Variants in DHX57 observed in about 807,000 individuals in gnomAD.
DHX57 encodes the protein DExH-box helicase 57.
DHX57 carries 105 observed loss-of-function variants against 156.2 expected under a neutral mutation model. That is an observed-to-expected ratio of 0.67 (90% CI 0.57 to 0.79). The LOEUF is 0.79. Among genes scored for constraint, DHX57 ranks in the 30% least tolerant of loss-of-function variants. The probability of loss-of-function intolerance (pLI) is 0.00; values close to 1 mark genes in which losing one functional copy is unlikely to be tolerated. For synonymous variants in DHX57, 704 were observed against 595.6 expected (o/e 1.18, Z -2.65); for missense variants, 1,847 against 1,661.9 (o/e 1.11, Z -1.94).
intron 13 of DHX57, among the ~76,000 whole-genome samples, chr2:38,832,548 TATA>T (rs142219133): frequency 0.64 from 74,080 of 116,480 alleles, 20,241 homozygotes; most frequent in East Asian, 0.8. Flanking sequence ...TATATATATA[TATA>T]TTTTTTTTTT....
In DHX57 at chr2:38,843,103, T is replaced by G; in HGVS notation, c.2327A>C (p.Asp776Ala). 2 of 1,614,190 alleles carry G rather than the reference T, an allele frequency of 1.2e-6. No individual in the cohort carries two copies. The highest frequency in any genetic ancestry group is 1.7e-6 in the Non-Finnish European group (2 of 1,180,022). ...NRTAFEEVEE[D>A]LRLSLHLQDQ... ...CTGGAGGTGAAGGGAGAGCCTTAGG[T>G]CTTCTTCCACTTCTTCAAATGCAGT... Residue 776 changes from aspartate (D) to alanine (A), a missense_variant, in exon 12 of 24, where the codon GAC becomes GCC. Asp to Ala is a moderately radical substitution (Grantham distance 126). Transcript: ENST00000457308.
chr2:38,870,139 A>T (rs1212562133), intron 1 of DHX57, among the ~76,000 whole-genome samples: 1 of 152,176 alleles, frequency 6.6e-6, no homozygotes, highest in African/African-American at 2.4e-5. Flanking sequence ...ACTTGAAGAC[A>T]GACTGACATT....
intron 9 of DHX57, 35 bp from the exon 10 acceptor site, chr2:38,848,437 C>A: frequency 6.5e-7 from 1 of 1,544,090 alleles, no homozygotes; most frequent in Non-Finnish European, 8.7e-7. Flanking sequence ...GAGGATCAAA[C>A]AAATTCAACA....
chr2:38,811,068 G>T (rs934831040), intron 21 of DHX57: 1 of 619,100 alleles, frequency 1.6e-6, no homozygotes, highest in Non-Finnish European at 3.0e-6. Flanking sequence ...AGACCTGAAG[G>T]TGGTTGGTTC....
chr2:38,848,995 T>C (rs1672435539), intron 9 of DHX57, among the ~76,000 whole-genome samples: 1 of 152,230 alleles, frequency 6.6e-6, no homozygotes, highest in Non-Finnish European at 1.5e-5. Context: ...ACAGGATTGA[T>C]AATCAAATTT....
intron 17 of DHX57, 142 bp downstream of exon 17, chr2:38,822,851 A>G: frequency 1.2e-6 from 1 of 814,910 alleles, no homozygotes; most frequent in South Asian, 2.0e-5. Flanking sequence ...TCTCCCTCCC[A>G]TGCAGATGTG....
rs181749055 is a variant in DHX57, at chr2:38,802,672, C to T, written c.4017+43G>A. 281 of 1,609,804 alleles carry T rather than the reference C, an allele frequency of 1.7e-4. 1 individual carries two copies. In the African/African-American group the frequency reaches 3.6e-3, roughly 20 times the overall value. On this transcript the variant is annotated intron_variant, in intron 23 of 23. Coordinates refer to ENST00000457308, the MANE Select transcript of DHX57 (RefSeq NM_198963.3). ...TCATAACTTCATATTGTCAAAGCCC[C>T]TCATGGCCTGAGCCTCATAAAACAG...
intron 9 of DHX57, among the ~76,000 whole-genome samples, chr2:38,852,870 T>C (rs568776096): frequency 6.6e-6 from 1 of 152,300 alleles, no homozygotes; most frequent in African/African-American, 2.4e-5. Flanking sequence ...CTTAAGGCCC[T>C]GGAAGGTCTG....
chr2:38,861,908 T>G, intron 4 of DHX57, 71 bp from the exon 5 acceptor site: 1 of 1,438,734 alleles, frequency 7.0e-7, no homozygotes, highest in Non-Finnish European at 9.3e-7. Context: ...AAAATTCATT[T>G]AAATATGCTT....
chr2:38,861,117 C>T lies in DHX57; in HGVS notation c.1293G>A (p.Lys431=). 6 of 1,614,188 alleles carry T rather than the reference C, an allele frequency of 3.7e-6. No individual in the cohort carries two copies. The African/African-American group carries it at 4.0e-5, about 11-fold the overall frequency. Residue 431 remains lysine, a synonymous_variant, in exon 5 of 24, where the codon AAG becomes AAA. Coordinates refer to ENST00000457308, the MANE Select transcript of DHX57 (RefSeq NM_198963.3). The part of the protein sequence containing the change: ...IVKLLTNTHH[K]YSDPPVNFLP... ...GAAAGTTCACAGGAGGGTCACTATA[C>T]TTGTGGTGGGTATTCGTTAGTAACT... is the stretch of plus-strand genomic sequence containing the variant.
At position 38,809,314 on chromosome 2, in the gene DHX57, A is replaced by G. The variant is rs1315007130; in HGVS notation, c.3682-2621T>C. 2.7e-5 allele frequency among the ~76,000 whole-genome samples: 4 copies of G among 150,842 alleles called. No individual in the cohort carries two copies. In the East Asian group the frequency reaches 7.9e-4, roughly 30 times the overall value. ...AAAAACAAATTTTTTTTGTAGAGAC[A>G]AGTTCTCACTCTGTTGCCCAAGCTG... On this transcript the variant is annotated intron_variant, in intron 21 of 23. Transcript: ENST00000457308.
chr2:38,808,342 A>G (rs1670065960), intron 21 of DHX57, among the ~76,000 whole-genome samples: 1 of 152,160 alleles, frequency 6.6e-6, no homozygotes, highest in Admixed American at 6.6e-5. Flanking sequence ...ATAGCTTGAA[A>G]ATGATGTATT....
chr2:38,860,516 A>G (rs1183727335), intron 5 of DHX57, among the ~76,000 whole-genome samples: 1 of 152,132 alleles, frequency 6.6e-6, no homozygotes, highest in Non-Finnish European at 1.5e-5. Context: ...AAGCCTGCAC[A>G]AGTATTTGAG....
intron 19 of DHX57, among the ~76,000 whole-genome samples, chr2:38,817,583 TG>T (rs1212841551): frequency 6.6e-6 from 1 of 152,214 alleles, no homozygotes; most frequent in Non-Finnish European, 1.5e-5. Flanking sequence ...TCCAAAGTGC[TG>T]GGATTACAGG....
At position 38,861,300 on chromosome 2, in the gene DHX57, C is replaced by T. The variant is rs570561927; in HGVS notation, c.1110G>A (p.Pro370=). The T allele has an allele frequency of 2.9e-5, 47 of 1,614,052 alleles. No individual in the cohort carries two copies. The highest frequency in any genetic ancestry group is 8.8e-5 in the South Asian group (8 of 91,070). The part of the protein sequence containing the change: ...SKDHKYPYQA[P]LVAFYSTNEN... ...CATTGGTGGAATAAAATGCCACGAGCGGAGCTTGGTAGGGATATTTGTGGT... is the reference window on the plus strand; with the variant it reads ...CATTGGTGGAATAAAATGCCACGAGTGGAGCTTGGTAGGGATATTTGTGGT... Residue 370 remains proline (P), a synonymous_variant, in exon 5 of 24, where the codon CCG becomes CCA. Coordinates refer to ENST00000457308, the MANE Select transcript of DHX57 (RefSeq NM_198963.3).
At chr2:38,865,742 C>T (rs1665035428) in intron 2 of DHX57, among the ~76,000 whole-genome samples, 1 of 152,162 alleles carries the variant, frequency 6.6e-6, no homozygotes, top group South Asian at 2.1e-4. Flanking sequence ...CGATTTTATC[C>T]AGACTCAGAA....
chr2:38,823,016 T>G lies in DHX57; in HGVS notation c.3268A>C (p.Ser1090Arg), dbSNP rs1558367889. Reference sequence around the variant, plus strand: ...ACAAACGGAGACTTAAAAGCCAAACTGGCAGCAATGGTGAGAGCAGGATCC... The same window carrying G: ...ACAAACGGAGACTTAAAAGCCAAACGGGCAGCAATGGTGAGAGCAGGATCC... The part of the protein sequence containing the change: ...CLDPALTIAA[S>R]LAFKSPFVSP... Residue 1090 changes from serine (S) to arginine (R), a missense_variant, in exon 17 of 24, where the codon AGT becomes CGT. By Grantham distance (110) the Ser-to-Arg change is moderately radical. Coordinates refer to ENST00000457308, the MANE Select transcript of DHX57 (RefSeq NM_198963.3). 5 of 1,614,054 alleles carry G rather than the reference T, an allele frequency of 3.1e-6. No homozygotes were observed. The highest frequency in any genetic ancestry group is 4.2e-6 in the Non-Finnish European group (5 of 1,179,980).
chr2:38,819,677 T>C (rs1034904361), intron 17 of DHX57, among the ~76,000 whole-genome samples: 1 of 152,220 alleles, frequency 6.6e-6, no homozygotes, highest in African/African-American at 2.4e-5. Flanking sequence ...CTGGGTCTTT[T>C]AGTTCCAAGT....
At chr2:38,807,816 T>C (rs532814370) in intron 21 of DHX57, among the ~76,000 whole-genome samples, 2 of 151,664 alleles carry the variant, frequency 1.3e-5, no homozygotes, top group East Asian at 3.9e-4. Flanking sequence ...CTGGCTAATT[T>C]TGTATCTTCA....
Sources: gnomAD v4.1 joint callset for allele counts (sites outside exome capture counted in the v4.1 genomes callset) on GRCh38, gnomAD v4.1.1 for gene constraint, MANE v1.5 for transcripts, NCBI Gene and HGNC (gene_info 2026-07-23, HGNC 2026-07-21) for gene names.